Variants in METAP1 observed in about 807,000 individuals in gnomAD.
The protein encoded by METAP1 is methionine aminopeptidase 1.
Under a neutral mutation model 53.8 loss-of-function variants are expected in METAP1, and 28 were observed. That is an observed-to-expected ratio of 0.52 (90% CI 0.39 to 0.71). METAP1 has a LOEUF of 0.71. Among genes scored for constraint, METAP1 ranks in the 30% least tolerant of loss-of-function variants. The pLI, the probability that METAP1 is intolerant of heterozygous loss-of-function variation, is 0.00. For missense variants in METAP1, 389 were observed against 479.8 expected, an observed-to-expected ratio of 0.81 and a Z score of 1.77; for synonymous variants, 181 against 165.7, an observed-to-expected ratio of 1.09 and a Z score of -0.71.
intron 1 of METAP1, among the ~76,000 whole-genome samples, chr4:99,014,812 T>G (rs1241573072): frequency 6.6e-6 from 1 of 152,214 alleles, no homozygotes; most frequent in Non-Finnish European, 1.5e-5. Flanking sequence ...GGATGGCTGA[T>G]GGAGGCCTCA....
intron 9 of METAP1, among the ~76,000 whole-genome samples, chr4:99,052,727 T>C (rs1579331719): frequency 6.6e-6 from 1 of 152,230 alleles, no homozygotes; most frequent in Non-Finnish European, 1.5e-5. Flanking sequence ...AGGGTTGTTG[T>C]GGCAGTTTCT....
chr4:99,008,832 A>AT (rs1230348771), intron 1 of METAP1, among the ~76,000 whole-genome samples: 1 of 152,224 alleles, frequency 6.6e-6, no homozygotes, highest in East Asian at 1.9e-4. Context: ...GCTCTGCATT[A>AT]TATACACCTA....
At chr4:99,050,287 T>TA (rs996086048) in intron 9 of METAP1, among the ~76,000 whole-genome samples, 3 of 152,286 alleles carry the variant, frequency 2.0e-5, no homozygotes, top group African/African-American at 7.2e-5. Flanking sequence ...GGAATTTGAC[T>TA]TGTATGTCGG....
chr4:98,997,667 A>G (rs1242823606), intron 1 of METAP1, among the ~76,000 whole-genome samples: 1 of 152,242 alleles, frequency 6.6e-6, no homozygotes, highest in African/African-American at 2.4e-5. Context: ...AAGAAGGTGA[A>G]TCACTGGGGT....
chr4:99,015,993 G>A (rs184228562), intron 1 of METAP1, among the ~76,000 whole-genome samples: 13 of 152,234 alleles, frequency 8.5e-5, no homozygotes, highest in Admixed American at 7.2e-4. Flanking sequence ...TCGGCAGTGC[G>A]AACTGCGGTT....
intron 10 of METAP1, 102 bp from the exon 11 acceptor site, chr4:99,061,052 G>A: frequency 8.2e-7 from 1 of 1,225,954 alleles, no homozygotes; most frequent in Non-Finnish European, 1.1e-6. Context: ...CAATTGGCAT[G>A]TAAATAAGGA....
chr4:99,048,700 T>G (rs1390683483), intron 8 of METAP1, 33 bp from the exon 9 acceptor site: 2 of 1,605,054 alleles, frequency 1.2e-6, no homozygotes, highest in Non-Finnish European at 1.7e-6. Context: ...TATTAGTTAT[T>G]AGTTTATCAT....
chr4:99,016,498 C>G (rs1158207900), intron 1 of METAP1, among the ~76,000 whole-genome samples: 2 of 152,074 alleles, frequency 1.3e-5, no homozygotes, highest in Non-Finnish European at 2.9e-5. Flanking sequence ...AAAGTGGGTC[C>G]CATTATCTGA....
chr4:99,023,080 C>T, intron 1 of METAP1: 2 of 1,292,444 alleles, frequency 1.5e-6, no homozygotes, highest in Non-Finnish European at 1.1e-6. Context: ...CTGGTCTGTC[C>T]CTTCCAGCGC....
At chr4:99,022,860 G>C (rs1481249884) in intron 1 of METAP1, 2 of 1,548,932 alleles carry the variant, frequency 1.3e-6, no homozygotes, top group African/African-American at 1.4e-5. Flanking sequence ...TCCCACGGCT[G>C]CTGCTGCCTT....
Position 99,062,173 on chromosome 4 carries a change from A to G in METAP1, c.*856A>G, listed in dbSNP as rs1158819909. On this transcript the variant is annotated 3_prime_UTR_variant, in exon 11 of 11. Coordinates refer to ENST00000296411, the MANE Select transcript of METAP1 (RefSeq NM_015143.3). ...CCCTTTTCTGTTTTACTTCAAGGGC[A>G]TACCTTGGAGGTGCTCAGAGAAGCG... 1.3e-5 allele frequency: 2 copies of G among 152,246 alleles called. No individual in the cohort carries two copies. The highest frequency in any genetic ancestry group is 4.8e-5 in the African/African-American group (2 of 41,458). 9.4% of individuals were successfully genotyped at this position (152,246 alleles called of 1,614,324 possible). A position where few individuals can be genotyped will look rare whatever the true frequency, so the allele number is the denominator to read the frequency against.
At position 99,048,806 on chromosome 4, in the gene METAP1, T is replaced by G; in HGVS notation, c.861T>G (p.Val287=). 6.2e-7 allele frequency: 1 copy of G among 1,613,992 alleles called. No individual in the cohort carries two copies. Among genetic ancestry groups the G allele is most frequent in the Non-Finnish European group, 8.5e-7 (1 of 1,179,866 alleles). ...QKHAQANGFS[V]VRSYCGHGIH... ...ATGCCCAAGCAAATGGGTTTTCAGT[T>G]GTTCGAAGCTATTGTGGGCATGGAA... The change falls in exon 9 of 11, where the codon GTT becomes GTG. Residue 287 remains valine, a synonymous_variant. Coordinates refer to ENST00000296411, the MANE Select transcript of METAP1 (RefSeq NM_015143.3).
At chr4:99,025,042 C>CT (rs1724460779) in intron 1 of METAP1, among the ~76,000 whole-genome samples, 1 of 152,226 alleles carries the variant, frequency 6.6e-6, no homozygotes, top group African/African-American at 2.4e-5. Context: ...AATGCCACTG[C>CT]TGATCTGACA....
chr4:99,020,730 A>G (rs1267938030), intron 1 of METAP1, among the ~76,000 whole-genome samples: 2 of 152,190 alleles, frequency 1.3e-5, no homozygotes, highest in Non-Finnish European at 2.9e-5. Context: ...ATTAACATAC[A>G]GTATTAGAAG....
chr4:99,022,788 G>T, intron 1 of METAP1: 1 of 1,599,414 alleles, frequency 6.3e-7, no homozygotes, highest in Non-Finnish European at 8.5e-7. Flanking sequence ...TTGGCTATGC[G>T]CTTGTCACGG....
Position 99,043,873 on chromosome 4 carries a change from G to C in METAP1, c.655+486G>C, listed in dbSNP as rs573325323. On this transcript the variant is annotated intron_variant, in intron 7 of 10. Transcript: ENST00000296411. Reference sequence around the variant, plus strand: ...TGGGAAGTTACAAGTATAGAGAGTAGAGGAAGTAGTTTAAAAGACATTAAT... The same window carrying C: ...TGGGAAGTTACAAGTATAGAGAGTACAGGAAGTAGTTTAAAAGACATTAAT... Among the ~76,000 whole-genome samples, 22 of 152,264 alleles carry C rather than the reference G, an allele frequency of 1.4e-4. No individual in the cohort carries two copies. The South Asian group carries it at 4.1e-3, about 29-fold the overall frequency.
chr4:99,038,891 T>G (rs574979207), intron 4 of METAP1, among the ~76,000 whole-genome samples: 51 of 152,330 alleles, frequency 3.3e-4, no homozygotes, highest in Admixed American at 5.9e-4. Flanking sequence ...ATTTATTTAC[T>G]TTTAAAAAAT....
intron 1 of METAP1, among the ~76,000 whole-genome samples, 159 bp from the exon 2 acceptor site, chr4:99,028,708 G>C (rs973234655): frequency 6.6e-6 from 1 of 152,146 alleles, no homozygotes; most frequent in South Asian, 2.1e-4. Context: ...TATTGAACAG[G>C]TGTCATTTCT....
At chr4:99,001,841 A>G (rs759959480) in intron 1 of METAP1, among the ~76,000 whole-genome samples, 3 of 152,202 alleles carry the variant, frequency 2.0e-5, no homozygotes, top group Non-Finnish European at 2.9e-5. Flanking sequence ...TGGTTCTCAC[A>G]GTGTAGTTAG....
Sources: allele counts gnomAD v4.1 joint callset (sites outside exome capture counted in the v4.1 genomes callset), GRCh38; gene constraint gnomAD v4.1.1; transcripts MANE v1.5; gene names NCBI Gene and HGNC (gene_info 2026-07-23, HGNC 2026-07-21).